CCDC112: variants seen among roughly 807,000 people sequenced by gnomAD.
CCDC112 encodes coiled-coil domain-containing protein 112.
In CCDC112, 40 loss-of-function variants were observed where a neutral mutation model predicts 66.3. The observed-to-expected ratio is 0.60, with a 90% CI of 0.47 to 0.79. CCDC112 has a LOEUF of 0.79. CCDC112 is among the 30% of genes least tolerant of loss of function. The probability of loss-of-function intolerance (pLI) is 0.00; values close to 1 mark genes in which losing one functional copy is unlikely to be tolerated. For missense variants in CCDC112, 659 were observed against 603.8 expected (o/e 1.09, Z -0.96); for synonymous variants, 214 against 197.2 (o/e 1.09, Z -0.71).
At chr5:115,287,923 TAC>T (rs926088273) in intron 1 of CCDC112, among the ~76,000 whole-genome samples, 3 of 152,044 alleles carry the variant, frequency 2.0e-5, no homozygotes, top group African/African-American at 7.2e-5. Flanking sequence ...TGAAAATCAG[TAC>T]ACACACATTT....
intron 2 of CCDC112, among the ~76,000 whole-genome samples, chr5:115,282,261 GTACAGA>G: frequency 6.6e-6 from 1 of 152,120 alleles, no homozygotes; most frequent in Non-Finnish European, 1.5e-5. Flanking sequence ...ATATTCAAAA[GTACAGA>G]ATGGTAAATT....
intron 6 of CCDC112, among the ~76,000 whole-genome samples, chr5:115,274,158 T>G (rs915887656): frequency 6.6e-6 from 1 of 152,204 alleles, no homozygotes; most frequent in African/African-American, 2.4e-5. Flanking sequence ...AACTAGGGGC[T>G]ATTTTTCCCC....
chr5:115,268,676 ATAT>A (rs951659034), intron 9 of CCDC112, among the ~76,000 whole-genome samples: 7 of 147,800 alleles, frequency 4.7e-5, no homozygotes, highest in African/African-American at 1.7e-4. Context: ...ATATTTATAG[ATAT>A]TATATATCCT....
At chr5:115,280,023 G>A (rs963604471) in intron 2 of CCDC112, among the ~76,000 whole-genome samples, 5 of 152,100 alleles carry the variant, frequency 3.3e-5, no homozygotes, top group Non-Finnish European at 5.9e-5. Flanking sequence ...AGAAAATGTG[G>A]ATATACATTT....
At chr5:115,291,510 A>G (rs1243336517) in intron 1 of CCDC112, among the ~76,000 whole-genome samples, 1 of 152,150 alleles carries the variant, frequency 6.6e-6, no homozygotes, top group Non-Finnish European at 1.5e-5. Flanking sequence ...AGAAATGTTC[A>G]TTAAAAATGT....
At chr5:115,274,558 G>A (rs1382618816) in intron 6 of CCDC112, among the ~76,000 whole-genome samples, 2 of 151,964 alleles carry the variant, frequency 1.3e-5, no homozygotes, top group East Asian at 1.9e-4. Flanking sequence ...GCCTTTGCTC[G>A]TAAGATGACT....
chr5:115,289,321 C>G (rs1482913707), intron 1 of CCDC112: 2 of 156,842 alleles, frequency 1.3e-5, no homozygotes, highest in Non-Finnish European at 2.8e-5. Context: ...AGCTGACTTT[C>G]CACTTGGGCT....
intron 1 of CCDC112, among the ~76,000 whole-genome samples, chr5:115,294,481 C>A (rs1359616544): frequency 1.3e-5 from 2 of 152,186 alleles, no homozygotes; most frequent in Non-Finnish European, 2.9e-5. Context: ...AGAAACCAAC[C>A]CTAAGGGCAA....
chr5:115,285,321 A>T (rs1260350860), intron 1 of CCDC112, among the ~76,000 whole-genome samples: 1 of 152,194 alleles, frequency 6.6e-6, no homozygotes, highest in Admixed American at 6.5e-5. Flanking sequence ...AAGCAATAAA[A>T]TGAAAACTCC....
intron 2 of CCDC112, among the ~76,000 whole-genome samples, chr5:115,280,805 C>T (rs1412039958): frequency 1.3e-5 from 2 of 151,944 alleles, no homozygotes; most frequent in African/African-American, 2.4e-5. Flanking sequence ...CTGCCCACCT[C>T]GGCCTCCCAA....
At chr5:115,285,062 A>G (rs1429600564) in intron 1 of CCDC112, among the ~76,000 whole-genome samples, 154 bp from the exon 2 acceptor site, 3 of 152,350 alleles carry the variant, frequency 2.0e-5, no homozygotes, top group Middle Eastern at 3.4e-3. Flanking sequence ...TTTGTGGAAG[A>G]AGGAGTATCT....
At position 115,279,683 on chromosome 5, in the gene CCDC112, ATTC is replaced by A; in HGVS notation, c.322_324del (p.Glu108del). On this transcript the variant is annotated inframe_deletion, in exon 3 of 10. Coordinates refer to ENST00000379611, the MANE Select transcript of CCDC112 (RefSeq NM_001040440.3). ...CTGCTGTGAATCAATTTATTTTCCA[ATTC>A]TTCTAGCATACTATGCTCAATTCTG... 2 of 1,611,774 alleles carry A rather than the reference ATTC, an allele frequency of 1.2e-6. No individual in the cohort carries two copies. The highest frequency in any genetic ancestry group is 1.7e-6 in the Non-Finnish European group (2 of 1,178,880).
intron 7 of CCDC112, among the ~76,000 whole-genome samples, 194 bp downstream of exon 7, chr5:115,271,019 A>G (rs530058076): frequency 6.6e-6 from 1 of 152,202 alleles, no homozygotes; most frequent in East Asian, 1.9e-4. Context: ...TTATACTGCA[A>G]TCTCCTACTT....
At chr5:115,273,936 T>TG (rs568984737) in intron 6 of CCDC112, among the ~76,000 whole-genome samples, 161 of 152,248 alleles carry the variant, frequency 1.1e-3, no homozygotes, top group African/African-American at 3.8e-3. Flanking sequence ...AATTTATTGC[T>TG]GGGGGGAGGG....
At position 115,274,182 on chromosome 5, in the gene CCDC112, T is replaced by C. The variant is rs114885632; in HGVS notation, c.918+1034A>G. ...CTATTTTTCCCCTCCAGTGGACAAC[T>C]GGCTAGAGGCATTTTTGATAATCAT... On this transcript the variant is annotated intron_variant, in intron 6 of 9. Transcript: ENST00000379611. Among the ~76,000 whole-genome samples the C allele has an allele frequency of 3.3e-3, 504 of 152,308 alleles. 2 individuals carry two copies. The highest frequency in any genetic ancestry group is 5.6e-3 in the Non-Finnish European group (383 of 68,018).
At chr5:115,288,920 T>A (rs1256415297) in intron 1 of CCDC112, 4 of 446,294 alleles carry the variant, frequency 9.0e-6, no homozygotes, top group Non-Finnish European at 1.8e-5. Context: ...GATAAAAATA[T>A]TCCTCTGGAT....
intron 2 of CCDC112, among the ~76,000 whole-genome samples, chr5:115,284,508 T>C (rs1415696033): frequency 6.6e-6 from 1 of 152,216 alleles, no homozygotes; most frequent in East Asian, 1.9e-4. Flanking sequence ...TTATTCGTTA[T>C]ATAAAATCTA....
chr5:115,285,628 GT>G (rs1749643677), intron 1 of CCDC112, among the ~76,000 whole-genome samples: 1 of 152,078 alleles, frequency 6.6e-6, no homozygotes, highest in African/African-American at 2.4e-5. Flanking sequence ...AGAGAGGCAG[GT>G]ATGTGCCAGA....
chr5:115,268,553 A>G (rs1218739274), intron 9 of CCDC112, among the ~76,000 whole-genome samples: 1 of 151,492 alleles, frequency 6.6e-6, no homozygotes, highest in African/African-American at 2.4e-5. Context: ...TTACAGGCGT[A>G]AGCCACTGCA....
Sources: gnomAD v4.1 joint callset for allele counts (sites outside exome capture counted in the v4.1 genomes callset) on GRCh38, gnomAD v4.1.1 for gene constraint, MANE v1.5 for transcripts, NCBI Gene and HGNC (gene_info 2026-07-23, HGNC 2026-07-21) for gene names.